Variants in FRS2 observed in about 807,000 individuals in gnomAD.
The protein encoded by FRS2 is FGFR signalling adaptor.
A neutral mutation model predicts 43.9 loss-of-function variants in FRS2; 8 were observed. The observed-to-expected ratio is 0.18, with a 90% confidence interval of 0.11 to 0.33. The LOEUF (loss-of-function observed/expected upper bound fraction) is 0.33. FRS2 is among the 10% of genes least tolerant of loss of function. The probability of loss-of-function intolerance (pLI) is 1.00; values close to 1 mark genes in which losing one functional copy is unlikely to be tolerated. For synonymous variants in FRS2, 219 were observed against 220.3 expected (o/e 0.99, Z 0.05); for missense variants, 534 against 627.6 (o/e 0.85, Z 1.59).
intron 3 of FRS2, among the ~76,000 whole-genome samples, chr12:69,548,656 G>A (rs1209097778): frequency 1.3e-5 from 2 of 152,136 alleles, no homozygotes; most frequent in Admixed American, 6.6e-5. Context: ...ACCCTGTAAT[G>A]GAAAAGAATT....
At position 69,574,620 on chromosome 12, in the gene FRS2, G is replaced by C; in HGVS notation, c.1192G>C (p.Val398Leu). Residue 398 changes from valine to leucine, a missense_variant, in exon 9 of 9, where the codon GTA becomes CTA. By Grantham distance (32) the Val-to-Leu change is conservative. Transcript: ENST00000549921. ...GCATAACTATGTAAATACAGAGAAT[G>C]TAACAGTGCCAGCAAGTGCTCACAA... Reference protein sequence around the residue: ...PMHNYVNTENVTVPASAHKIE... With the variant: ...PMHNYVNTENLTVPASAHKIE... 6.2e-7 allele frequency: 1 copy of C among 1,614,128 alleles called. No homozygotes were observed. The highest frequency in any genetic ancestry group is 2.2e-5 in the East Asian group (1 of 44,884).
At chr12:69,558,226 A>T (rs1425604108) in intron 3 of FRS2, among the ~76,000 whole-genome samples, 1 of 152,180 alleles carries the variant, frequency 6.6e-6, no homozygotes, top group African/African-American at 2.4e-5. Context: ...TTATAAATGG[A>T]TGTTGTGCCT....
intron 8 of FRS2, 60 bp from the exon 9 acceptor site, chr12:69,573,945 C>CT: frequency 1.8e-6 from 2 of 1,134,544 alleles, no homozygotes; most frequent in Non-Finnish European, 2.5e-6. Context: ...TGTGGTCAGG[C>CT]TTTTTTTCAG....
rs1474402032 is a variant in FRS2, at chr12:69,576,956, A to G, written c.*2001A>G. 6.6e-6 allele frequency: 1 copy of G among 152,572 alleles called. No individual in the cohort carries two copies. The highest frequency in any genetic ancestry group is 1.5e-5 in the Non-Finnish European group (1 of 68,022). The allele number at this position is 152,572 out of a possible 1,614,324, so 9.5% of individuals were successfully genotyped here. A position where few individuals can be genotyped will look rare whatever the true frequency, so the allele number is the denominator to read the frequency against. Reference sequence around the variant, plus strand: ...CTGAGTAAATTGCTAATTGTGCCAAATTTATGTAATAGTTTTTGTAATGTG... The same window carrying G: ...CTGAGTAAATTGCTAATTGTGCCAAGTTTATGTAATAGTTTTTGTAATGTG... On this transcript the variant is annotated 3_prime_UTR_variant, in exon 9 of 9. Coordinates refer to ENST00000549921, the MANE Select transcript of FRS2 (RefSeq NM_001278356.2).
intron 1 of FRS2, among the ~76,000 whole-genome samples, chr12:69,470,819 C>G (rs1247688996): frequency 6.6e-6 from 1 of 152,098 alleles, no homozygotes; most frequent in African/African-American, 2.4e-5. Context: ...CGTCCGACCC[C>G]CCTCATGTGT....
At chr12:69,540,210 T>G (rs1172097038) in intron 3 of FRS2, among the ~76,000 whole-genome samples, 3 of 140,766 alleles carry the variant, frequency 2.1e-5, no homozygotes, top group Non-Finnish European at 4.7e-5. Context: ...CCGAGATGGC[T>G]CCACTGCACT....
intron 8 of FRS2, 130 bp from the exon 9 acceptor site, chr12:69,573,875 G>A: frequency 1.7e-6 from 1 of 580,368 alleles, no homozygotes; most frequent in East Asian, 2.9e-5. Flanking sequence ...AAGTTTTGAA[G>A]TAAGAGTACA....
Position 69,475,734 on chromosome 12 carries a change from G to A in FRS2, c.-261+5204G>A, listed in dbSNP as rs774360196. ...GGTTAATATTTGGTTTGGGCATTAC[G>A]TATCATCACTTTCCTTTTCTCAGTG... On this transcript the variant is annotated intron_variant, in intron 1 of 8. Coordinates refer to ENST00000549921, the MANE Select transcript of FRS2 (RefSeq NM_001278356.2). Among the ~76,000 whole-genome samples, 13 of 152,138 alleles carry A rather than the reference G, an allele frequency of 8.5e-5. 1 individual carries two copies. The highest frequency in any genetic ancestry group is 8.3e-4 in the South Asian group (4 of 4,806).
At position 69,557,619 on chromosome 12, in the gene FRS2, T is replaced by TGTGTGTGTGTGTGC. The variant is rs1555192498; in HGVS notation, c.-121-4560_-121-4559insTGTGTGTGTGTGCG. Among the ~76,000 whole-genome samples the TGTGTGTGTGTGTGC allele has an allele frequency of 2.8e-3, 328 of 119,018 alleles. No homozygotes were observed. The East Asian group carries it at 0.032, about 12-fold the overall frequency. 78.1% of individuals were successfully genotyped at this position (119,018 alleles called of 152,430 possible). A position where few individuals can be genotyped will look rare whatever the true frequency, so the allele number is the denominator to read the frequency against. On this transcript the variant is annotated intron_variant, in intron 3 of 8. Transcript: ENST00000549921. ...TTGTGTGTGTGTGTGTGTGTGTGTG[T>TGTGTGTGTGTGTGC]GCGCGCGCGCGCGCGCGCAGGTGCA...
intron 4 of FRS2, 104 bp downstream of exon 4, chr12:69,562,378 G>A (rs1055960885): frequency 6.7e-5 from 26 of 388,998 alleles, no homozygotes; most frequent in African/African-American, 4.4e-4. Context: ...TTGCCCAGGC[G>A]GTTTCTAACT....
intron 1 of FRS2, among the ~76,000 whole-genome samples, chr12:69,505,090 C>T (rs710793): frequency 0.37 from 56,945 of 152,132 alleles, 11,144 homozygotes; most frequent in South Asian, 0.58. Flanking sequence ...AACTTCTGGC[C>T]TCTAGTGATC....
chr12:69,554,192 G>T (rs1240826954), intron 3 of FRS2, among the ~76,000 whole-genome samples: 1 of 152,120 alleles, frequency 6.6e-6, no homozygotes, highest in Non-Finnish European at 1.5e-5. Flanking sequence ...GAACCCTTCA[G>T]TAAGTATTGA....
chr12:69,551,056 AAAAG>A (rs1226218881), intron 3 of FRS2, among the ~76,000 whole-genome samples: 2 of 152,218 alleles, frequency 1.3e-5, no homozygotes, highest in African/African-American at 2.4e-5. Flanking sequence ...AAAAAAAGAA[AAAAG>A]AAAGGAAGAA....
intron 3 of FRS2, among the ~76,000 whole-genome samples, chr12:69,558,674 G>C (rs1879635750): frequency 6.6e-6 from 1 of 152,134 alleles, no homozygotes; most frequent in Non-Finnish European, 1.5e-5. Context: ...TGCTATTTCT[G>C]TCTTTCCTTC....
chr12:69,538,439 G>T (rs1877554698), intron 3 of FRS2, among the ~76,000 whole-genome samples: 1 of 151,814 alleles, frequency 6.6e-6, no homozygotes. Context: ...CTGGCCTTAA[G>T]TTTGGTAAAT....
At chr12:69,516,420 G>T (rs1317521207) in intron 1 of FRS2, among the ~76,000 whole-genome samples, 1 of 151,900 alleles carries the variant, frequency 6.6e-6, no homozygotes, top group Non-Finnish European at 1.5e-5. Context: ...GTTTCTCCAT[G>T]TTGGTCAGGC....
intron 8 of FRS2, 118 bp from the exon 9 acceptor site, chr12:69,573,887 T>G: frequency 3.2e-6 from 2 of 629,784 alleles, no homozygotes; most frequent in Non-Finnish European, 5.3e-6. Flanking sequence ...AAGAGTACAT[T>G]TGGAGAGAAA....
intron 1 of FRS2, among the ~76,000 whole-genome samples, chr12:69,474,024 G>A (rs1211169102): frequency 6.6e-6 from 1 of 152,088 alleles, no homozygotes; most frequent in Non-Finnish European, 1.5e-5. Context: ...TGTATTTTTA[G>A]TAGAGACGGG....
chr12:69,470,611 G>T, intron 1 of FRS2, 81 bp downstream of exon 1: 1 of 397,222 alleles, frequency 2.5e-6, no homozygotes, highest in South Asian at 1.3e-4. Context: ...TGCCCGCTTC[G>T]GGATCCGGGC....
Sources: allele counts gnomAD v4.1 joint callset (sites outside exome capture counted in the v4.1 genomes callset), GRCh38; gene constraint gnomAD v4.1.1; transcripts MANE v1.5; gene names NCBI Gene and HGNC (gene_info 2026-07-23, HGNC 2026-07-21).